The following POFUT3 variants were observed in gnomAD, a reference collection of about 807,000 sequenced individuals.
POFUT3 encodes protein O-fucosyltransferase 3.
At chr8:33,366,893 T>C in the POFUT3 span, among the ~76,000 whole-genome samples, 3 of 152,176 alleles carry the variant, frequency 2.0e-5, no homozygotes, top group African/African-American at 7.2e-5. Flanking sequence ...ACTCCTGTTA[T>C]ACTATGATGT....
the POFUT3 span, chr8:33,371,173 A>G: frequency 2.0e-5 from 3 of 152,212 alleles, no homozygotes; most frequent in African/African-American, 4.8e-5. Flanking sequence ...AGGTTAAGAG[A>G]TATGTCCAAG....
At chr8:33,379,081 C>CCT in the POFUT3 span, among the ~76,000 whole-genome samples, 2 of 151,784 alleles carry the variant, frequency 1.3e-5, no homozygotes, top group Non-Finnish European at 2.9e-5. Flanking sequence ...TCTCTCTCTC[C>CCT]CTCTCTCCCT....
the POFUT3 span, among the ~76,000 whole-genome samples, chr8:33,425,596 G>C: frequency 3.9e-5 from 6 of 152,050 alleles, no homozygotes; most frequent in Non-Finnish European, 8.8e-5. Flanking sequence ...TGTAGCCAGA[G>C]GAAGGGGGAG....
At chr8:33,360,199 C>G in the POFUT3 span, among the ~76,000 whole-genome samples, 1 of 152,052 alleles carries the variant, frequency 6.6e-6, no homozygotes, top group Non-Finnish European at 1.5e-5. Flanking sequence ...AATCCCACCA[C>G]TTTGGGAGGC....
chr8:33,347,106 G>A, the POFUT3 span, among the ~76,000 whole-genome samples: 1 of 151,984 alleles, frequency 6.6e-6, no homozygotes, highest in Non-Finnish European at 1.5e-5. Flanking sequence ...TCCTTCTCCT[G>A]CGCCTGTCAC....
the POFUT3 span, among the ~76,000 whole-genome samples, chr8:33,410,619 G>A: frequency 2.6e-5 from 4 of 152,280 alleles, no homozygotes; most frequent in South Asian, 2.1e-4. Flanking sequence ...AGGCCTTTGG[G>A]TGTGTGCGTG....
chr8:33,318,065 A>C, the POFUT3 span, among the ~76,000 whole-genome samples: 1 of 152,150 alleles, frequency 6.6e-6, no homozygotes, highest in Non-Finnish European at 1.5e-5. Context: ...AGTGTCAGAC[A>C]GGTGAGAGAG....
At chr8:33,380,173 A>ACAC in the POFUT3 span, among the ~76,000 whole-genome samples, 28 of 71,942 alleles carry the variant, frequency 3.9e-4, 2 homozygotes, top group African/African-American at 1.7e-3. Context: ...CTATATATAT[A>ACAC]TACTATATAT....
chr8:33,415,615 T>G, the POFUT3 span, among the ~76,000 whole-genome samples: 1 of 152,068 alleles, frequency 6.6e-6, no homozygotes, highest in Non-Finnish European at 1.5e-5. Context: ...AGTTTTGAGA[T>G]AAAAATCTTC....
chr8:33,369,513 C>A, the POFUT3 span, among the ~76,000 whole-genome samples: 1 of 152,066 alleles, frequency 6.6e-6, no homozygotes, highest in African/African-American at 2.4e-5. Context: ...GAGCAATAAA[C>A]TTCTGTTTCT....
At chr8:33,355,062 T>C in the POFUT3 span, among the ~76,000 whole-genome samples, 1 of 152,316 alleles carries the variant, frequency 6.6e-6, no homozygotes, top group East Asian at 1.9e-4. Context: ...GGAAATACTT[T>C]TGGATGCAGA....
At chr8:33,397,913 T>C in the POFUT3 span, among the ~76,000 whole-genome samples, 1 of 152,188 alleles carries the variant, frequency 6.6e-6, no homozygotes, top group Admixed American at 6.5e-5. Flanking sequence ...CAGAGAAGCA[T>C]AGGCATTTCT....
the POFUT3 span, among the ~76,000 whole-genome samples, chr8:33,398,860 G>A: frequency 6.6e-6 from 1 of 152,200 alleles, no homozygotes; most frequent in African/African-American, 2.4e-5. Flanking sequence ...ATGTGAGGAG[G>A]TAGGGTAGGG....
the POFUT3 span, among the ~76,000 whole-genome samples, chr8:33,341,326 T>C: frequency 6.6e-6 from 1 of 151,206 alleles, no homozygotes; most frequent in African/African-American, 2.4e-5. Flanking sequence ...TCCCAGCTAC[T>C]TGGGAGGATG....
At chr8:33,429,592 G>A in the POFUT3 span, among the ~76,000 whole-genome samples, 1 of 152,084 alleles carries the variant, frequency 6.6e-6, no homozygotes, top group South Asian at 2.1e-4. Context: ...GAGGGCAGAT[G>A]GAGGAAGGGG....
the POFUT3 span, among the ~76,000 whole-genome samples, chr8:33,309,351 T>TTGTGTGTGTGTGTGTGTG: frequency 7.0e-6 from 1 of 142,506 alleles, no homozygotes; most frequent in African/African-American, 2.7e-5. Flanking sequence ...CTTAAAGGTA[T>TTGTGTGTGTGTGTGTGTG]TGTGTGTGTG....
At chr8:33,357,200 T>C in the POFUT3 span, among the ~76,000 whole-genome samples, 2 of 152,178 alleles carry the variant, frequency 1.3e-5, no homozygotes, top group African/African-American at 2.4e-5. Context: ...TTTTTCCAAT[T>C]CTGTGAAGAA....
the POFUT3 span, among the ~76,000 whole-genome samples, chr8:33,382,700 A>G: frequency 2.6e-5 from 4 of 152,192 alleles, no homozygotes; most frequent in Admixed American, 1.3e-4. Flanking sequence ...CACAAGCAAG[A>G]AACTGACGTT....
At chr8:33,453,744 G>C in the POFUT3 span, among the ~76,000 whole-genome samples, 1 of 152,090 alleles carries the variant, frequency 6.6e-6, no homozygotes, top group Non-Finnish European at 1.5e-5. Context: ...CCAGGAGATT[G>C]AGACCAGCCT....
Sources: gnomAD v4.1 joint callset for allele counts (sites outside exome capture counted in the v4.1 genomes callset) on GRCh38, gnomAD v4.1.1 for gene constraint, MANE v1.5 for transcripts, NCBI Gene and HGNC (gene_info 2026-07-23, HGNC 2026-07-21) for gene names.